TPO: variants seen among roughly 807,000 people sequenced by gnomAD.
The protein encoded by TPO is thyroid peroxidase.
TPO carries 78 observed loss-of-function variants against 96.9 expected under a neutral mutation model. The ratio of observed to expected loss-of-function variants is 0.81; its 90% CI spans 0.67 to 0.97. The LOEUF (loss-of-function observed/expected upper bound fraction) is 0.97, where lower values mean the gene tolerates loss of function less well. TPO is among the 50% of genes least tolerant of loss of function. The pLI is 0.00. For missense variants in TPO, 1,252 were observed against 1,274.8 expected (o/e 0.98, Z 0.27); for synonymous variants, 547 against 538.0 (o/e 1.02, Z -0.23).
chr2:1,508,523 T>G (rs1256690354), intron 14 of TPO, among the ~76,000 whole-genome samples: 2 of 152,184 alleles, frequency 1.3e-5, no homozygotes, highest in African/African-American at 4.8e-5. Flanking sequence ...CCTGGACTTT[T>G]TTTGGTTGGT....
At chr2:1,383,944 A>T (rs936412057) in intron 1 of TPO, among the ~76,000 whole-genome samples, 3 of 152,218 alleles carry the variant, frequency 2.0e-5, no homozygotes, top group Admixed American at 6.5e-5. Flanking sequence ...ATGGCTAGCC[A>T]GTTTTCCCAG....
At chr2:1,485,728 C>A (rs886200753) in intron 9 of TPO, among the ~76,000 whole-genome samples, 1 of 152,046 alleles carries the variant, frequency 6.6e-6, no homozygotes, top group Non-Finnish European at 1.5e-5. Flanking sequence ...TGTTCATATC[C>A]TTCGCCCACT....
chr2:1,400,354 G>A (rs1295772393), intron 1 of TPO, among the ~76,000 whole-genome samples: 5 of 152,066 alleles, frequency 3.3e-5, no homozygotes, highest in Admixed American at 1.3e-4. Context: ...TTAGCTGGGC[G>A]TTCTGGCATG....
intron 1 of TPO, among the ~76,000 whole-genome samples, chr2:1,374,668 T>C (rs1661691022): frequency 1.3e-5 from 2 of 151,958 alleles, no homozygotes; most frequent in African/African-American, 4.8e-5. Context: ...GAAAAGAACA[T>C]CACACCAGAA....
intron 15 of TPO, among the ~76,000 whole-genome samples, chr2:1,525,988 C>A (rs1573555302): frequency 7.5e-6 from 1 of 133,748 alleles, no homozygotes. Context: ...CTGTGAGCAA[C>A]CTCCCCAAAT....
upstream of TPO, among the ~76,000 whole-genome samples, chr2:1,412,922 G>A (rs148247485): frequency 8.5e-3 from 1,298 of 152,240 alleles, 12 homozygotes; most frequent in Middle Eastern, 0.024. Context: ...TGCATGATGA[G>A]GATTGAGGGG....
At position 1,416,215 on chromosome 2, in the gene TPO, G is replaced by A. The variant is rs191928938; in HGVS notation, c.94+1713G>A. ...TGGAGTCACAATATAAAGAACCTCA[G>A]GAAAAAGTGATTTTGCATCTTCCCA... On this transcript the variant is annotated intron_variant, in intron 2 of 16. Transcript: ENST00000329066. Among the ~76,000 whole-genome samples the A allele has an allele frequency of 2.6e-5, 4 of 152,266 alleles. No homozygotes were observed. The East Asian group carries it at 7.7e-4, about 29-fold the overall frequency.
At chr2:1,402,781 C>T (rs1447180575) in intron 1 of TPO, among the ~76,000 whole-genome samples, 4 of 152,194 alleles carry the variant, frequency 2.6e-5, no homozygotes, top group Non-Finnish European at 5.9e-5. Flanking sequence ...GTCCCTCCCA[C>T]AGCACCTGGG....
intron 5 of TPO, among the ~76,000 whole-genome samples, chr2:1,450,866 C>A (rs1340155793): frequency 6.6e-5 from 10 of 152,216 alleles, no homozygotes; most frequent in African/African-American, 2.4e-4. Context: ...CATAACGAAT[C>A]TGAACACTTT....
chr2:1,442,473 ATATATAT>A (rs1282626881), intron 5 of TPO, among the ~76,000 whole-genome samples: 2 of 152,190 alleles, frequency 1.3e-5, no homozygotes, highest in South Asian at 2.1e-4. Flanking sequence ...AGAAATACAA[ATATATAT>A]TATATACTGT....
At chr2:1,428,242 C>A (rs1567919) in intron 3 of TPO, among the ~76,000 whole-genome samples, 6,225 of 152,272 alleles carry the variant, frequency 0.041, 239 homozygotes, top group South Asian at 0.2. Flanking sequence ...TGTCTGCATT[C>A]GGAATGACCC....
intron 1 of TPO, among the ~76,000 whole-genome samples, chr2:1,389,552 A>G (rs1032133497): frequency 6.6e-6 from 1 of 152,080 alleles, no homozygotes; most frequent in Non-Finnish European, 1.5e-5. Context: ...GAATATTTAA[A>G]CAGTCTTGGT....
chr2:1,384,107 T>C (rs1013410285), intron 1 of TPO, among the ~76,000 whole-genome samples: 3 of 152,228 alleles, frequency 2.0e-5, no homozygotes, highest in Admixed American at 6.5e-5. Context: ...CCATGCTGTT[T>C]TGGTTACTGT....
chr2:1,527,807 A>ATGCAACCTCCTCAAATCCCCATACTGTG (rs1410742496), intron 15 of TPO, among the ~76,000 whole-genome samples: 2 of 53,634 alleles, frequency 3.7e-5, no homozygotes, highest in African/African-American at 1.3e-4. Context: ...CACACACTGT[A>ATGCAACCTCCTCAAATCCCCATACTGTG]TGCAACCTCC....
intron 1 of TPO, among the ~76,000 whole-genome samples, chr2:1,407,732 C>T (rs1348187955): frequency 6.6e-6 from 1 of 152,160 alleles, no homozygotes; most frequent in Non-Finnish European, 1.5e-5. Flanking sequence ...CTAATGTTTC[C>T]ATTATCCCTT....
upstream of TPO, among the ~76,000 whole-genome samples, chr2:1,411,148 C>T (rs529996186): frequency 5.9e-5 from 9 of 152,302 alleles, no homozygotes; most frequent in Non-Finnish European, 8.8e-5. Context: ...GACTTTTCTC[C>T]GCTCCCCTCT....
intron 14 of TPO, among the ~76,000 whole-genome samples, chr2:1,509,386 G>T (rs1276843885): frequency 6.6e-6 from 1 of 151,036 alleles, no homozygotes. Context: ...TTCTTTCAGG[G>T]ACAGCACAGC....
Position 1,495,985 on chromosome 2 carries a change from G to A in TPO, c.2007-4G>A. 2 of 1,612,098 alleles carry A rather than the reference G, an allele frequency of 1.2e-6. No homozygotes were observed. The highest frequency in any genetic ancestry group is 1.7e-6 in the Non-Finnish European group (2 of 1,179,858). On this transcript the variant is annotated splice_region_variant and splice_polypyrimidine_tract_variant and intron_variant, in intron 11 of 16. Coordinates refer to ENST00000329066, the MANE Select transcript of TPO (RefSeq NM_001206744.2). Reference sequence around the variant, plus strand: ...GACCTTACTCACTGTCTCCTTCTCTGGAGGTTTTGGTGGGAGAACAGCCAC... The same window carrying A: ...GACCTTACTCACTGTCTCCTTCTCTAGAGGTTTTGGTGGGAGAACAGCCAC...
At chr2:1,435,567 C>T (rs1665485296) in intron 4 of TPO, among the ~76,000 whole-genome samples, 3 of 151,922 alleles carry the variant, frequency 2.0e-5, no homozygotes, top group African/African-American at 7.3e-5. Flanking sequence ...TTATATAAAC[C>T]ATATTGGAGA....
Sources: gnomAD v4.1 joint callset for allele counts (sites outside exome capture counted in the v4.1 genomes callset) on GRCh38, gnomAD v4.1.1 for gene constraint, MANE v1.5 for transcripts, NCBI Gene and HGNC (gene_info 2026-07-23, HGNC 2026-07-21) for gene names.